The following MUSK variants were observed in gnomAD, a reference collection of about 807,000 sequenced individuals.
The protein encoded by MUSK is muscle, skeletal receptor tyrosine-protein kinase.
Under a neutral mutation model 88.7 loss-of-function variants are expected in MUSK, and 55 were observed. The observed-to-expected ratio is 0.62, with a 90% confidence interval of 0.50 to 0.78. The LOEUF (loss-of-function observed/expected upper bound fraction) is 0.78, where lower values mean the gene tolerates loss of function less well. Among genes scored for constraint, MUSK ranks in the 30% least tolerant of loss-of-function variants. MUSK has a pLI of 0.00. For synonymous variants in MUSK, 387 were observed against 391.9 expected, an observed-to-expected ratio of 0.99 and a Z score of 0.15; for missense variants, 1,015 against 1,074.3, an observed-to-expected ratio of 0.94 and a Z score of 0.77.
At position 110,694,385 on chromosome 9, in the gene MUSK, C is replaced by CAA. The variant is rs796590211; in HGVS notation, c.359-998_359-997dup. On this transcript the variant is annotated intron_variant, in intron 3 of 14. Coordinates refer to ENST00000374448, the MANE Select transcript of MUSK (RefSeq NM_005592.4). ...TGGGCGACAGAGCGAGACTCCGTCT[C>CAA]AAAAAAAAAAAAAAAAAAAAACAAA... is the stretch of plus-strand genomic sequence containing the variant. Among the ~76,000 whole-genome samples, 205 of 51,122 alleles carry CAA rather than the reference C, an allele frequency of 4.0e-3. 4 individuals carry two copies. The highest frequency in any genetic ancestry group is 9.6e-3 in the Middle Eastern group (1 of 104). The allele number at this position is 51,122 out of a possible 152,430, so 33.5% of individuals were successfully genotyped here.
At chr9:110,709,723 C>CA (rs1214268740) in intron 5 of MUSK, among the ~76,000 whole-genome samples, 1 of 152,106 alleles carries the variant, frequency 6.6e-6, no homozygotes. Context: ...AGTCCAATGG[C>CA]AAAAACTAAA....
At position 110,710,326 on chromosome 9, in the gene MUSK, G is replaced by A. The variant is rs145170283; in HGVS notation, c.628+12860G>A. Among the ~76,000 whole-genome samples the A allele has an allele frequency of 7.3e-4, 111 of 152,246 alleles. 2 individuals carry two copies. In the Middle Eastern group the frequency reaches 0.01, roughly 14 times the overall value. On this transcript the variant is annotated intron_variant, in intron 5 of 14. Coordinates refer to ENST00000374448, the MANE Select transcript of MUSK (RefSeq NM_005592.4). ...TATTTCCTCATTTGTGAAATGGGGG[G>A]TAATATTATCTAGAACACAGAGTTC...
intron 3 of MUSK, among the ~76,000 whole-genome samples, chr9:110,694,931 T>A (rs2076413473): frequency 6.6e-6 from 1 of 152,118 alleles, no homozygotes; most frequent in Admixed American, 6.6e-5. Flanking sequence ...ATTTAATTAA[T>A]AATCATAAAA....
At chr9:110,723,714 T>C (rs773645671) in intron 5 of MUSK, among the ~76,000 whole-genome samples, 1 of 152,042 alleles carries the variant, frequency 6.6e-6, no homozygotes, top group Non-Finnish European at 1.5e-5. Flanking sequence ...TAACCTAAAT[T>C]GTGTGTCTGG....
At chr9:110,680,386 T>TC (rs972545836) in intron 1 of MUSK, among the ~76,000 whole-genome samples, 2 of 150,792 alleles carry the variant, frequency 1.3e-5, no homozygotes, top group African/African-American at 2.4e-5. Context: ...TTTTTTTCTT[T>TC]TTTTTTTTTT....
At chr9:110,751,279 C>G (rs1398928639) in intron 7 of MUSK, among the ~76,000 whole-genome samples, 2 of 152,084 alleles carry the variant, frequency 1.3e-5, no homozygotes, top group Non-Finnish European at 2.9e-5. Context: ...AAATCTGTAA[C>G]CTTAAAAAAA....
At chr9:110,689,758 A>C (rs1319746065) in intron 3 of MUSK, among the ~76,000 whole-genome samples, 1 of 42,194 alleles carries the variant, frequency 2.4e-5, no homozygotes, top group Non-Finnish European at 4.4e-5. Flanking sequence ...TATTATATAT[A>C]AACTATATAT....
intron 3 of MUSK, among the ~76,000 whole-genome samples, chr9:110,694,758 T>C (rs1180041212): frequency 6.6e-6 from 1 of 152,206 alleles, no homozygotes; most frequent in Non-Finnish European, 1.5e-5. Context: ...TTTGAAAGTT[T>C]CATATTTGAG....
chr9:110,776,567 T>C (rs1370267520), intron 10 of MUSK, 65 bp from the exon 11 acceptor site: 11 of 1,331,980 alleles, frequency 8.3e-6, no homozygotes. Flanking sequence ...GCACTCACTC[T>C]CTCACAGAAT....
At chr9:110,790,681 T>G (rs1375396058) in intron 14 of MUSK, among the ~76,000 whole-genome samples, 1 of 152,126 alleles carries the variant, frequency 6.6e-6, no homozygotes, top group Non-Finnish European at 1.5e-5. Context: ...GGGTGAGGAA[T>G]GGGAGAAGAG....
chr9:110,751,694 A>C lies in MUSK; in HGVS notation c.913+3894A>C, dbSNP rs144079365. On this transcript the variant is annotated intron_variant, in intron 7 of 14. Transcript: ENST00000374448. ...TGGGGACCCTGGAAGTGAGGCTTGAAGCCACTCTGGACAGGGGTATGTTTA... is the reference window on the plus strand; with the variant it reads ...TGGGGACCCTGGAAGTGAGGCTTGACGCCACTCTGGACAGGGGTATGTTTA... Among the ~76,000 whole-genome samples, 284 of 152,238 alleles carry C rather than the reference A, an allele frequency of 1.9e-3. 1 individual carries two copies. Among genetic ancestry groups the C allele is most frequent in the African/African-American group, 6.6e-3 (273 of 41,520 alleles).
chr9:110,751,489 A>G (rs1182230053), intron 7 of MUSK, among the ~76,000 whole-genome samples: 5 of 152,182 alleles, frequency 3.3e-5, no homozygotes, highest in African/African-American at 4.8e-5. Context: ...GGAGCAATGC[A>G]AAGATTGGCA....
At chr9:110,789,821 T>C (rs912852229) in intron 14 of MUSK, among the ~76,000 whole-genome samples, 4 of 152,096 alleles carry the variant, frequency 2.6e-5, no homozygotes, top group Non-Finnish European at 5.9e-5. Flanking sequence ...TTATTCAACA[T>C]CCACATGATC....
chr9:110,695,364 A>G (rs2076417945), intron 3 of MUSK, 39 bp from the exon 4 acceptor site: 9 of 1,364,964 alleles, frequency 6.6e-6, no homozygotes, highest in Non-Finnish European at 8.9e-6. Flanking sequence ...TAATAAAGCC[A>G]TATTGCCTTA....
In MUSK at chr9:110,710,669, A is replaced by C. The variant is rs111663917; in HGVS notation, c.628+13203A>C. The stretch of plus-strand genomic sequence containing the variant: ...GTGATAAAGGGAAGCTTATCTAAGA[A>C]GCTGTGTAAAGAGGTGCCTTTAATG... On this transcript the variant is annotated intron_variant, in intron 5 of 14. Transcript: ENST00000374448. Among the ~76,000 whole-genome samples, 434 of 152,266 alleles carry C rather than the reference A, an allele frequency of 2.9e-3. 2 individuals carry two copies. Among genetic ancestry groups the C allele is most frequent in the African/African-American group, 0.01 (418 of 41,554 alleles).
In MUSK at chr9:110,785,048, G is replaced by A. The variant is rs982461342; in HGVS notation, c.1586+32G>A. 3 of 1,583,136 alleles carry A rather than the reference G, an allele frequency of 1.9e-6. No individual in the cohort carries two copies. In the Admixed American group the frequency reaches 5.0e-5, roughly 26 times the overall value. ...TTCTAGTTTCAGCTAACCATGTGTA[G>A]TAATATTTTAAAGCCTTGTGTTTTA... On this transcript the variant is annotated intron_variant, in intron 12 of 14. Coordinates refer to ENST00000374448, the MANE Select transcript of MUSK (RefSeq NM_005592.4).
At chr9:110,702,951 A>G (rs180916371) in intron 5 of MUSK, among the ~76,000 whole-genome samples, 34 of 152,188 alleles carry the variant, frequency 2.2e-4, no homozygotes, top group African/African-American at 6.7e-4. Flanking sequence ...TTCCAGGCCA[A>G]AAAACCCACA....
At chr9:110,761,333 T>A (rs1000347425) in intron 7 of MUSK, among the ~76,000 whole-genome samples, 4 of 152,080 alleles carry the variant, frequency 2.6e-5, no homozygotes, top group African/African-American at 9.7e-5. Flanking sequence ...GGTAAGGATT[T>A]CAAGGTAGGG....
chr9:110,768,891 A>G (rs949948417), intron 9 of MUSK, among the ~76,000 whole-genome samples: 7 of 152,190 alleles, frequency 4.6e-5, no homozygotes, highest in Non-Finnish European at 1.0e-4. Flanking sequence ...TTAAACTCCC[A>G]TACTTTTTAA....
Sources: allele counts gnomAD v4.1 joint callset (sites outside exome capture counted in the v4.1 genomes callset), GRCh38; gene constraint gnomAD v4.1.1; transcripts MANE v1.5; gene names NCBI Gene and HGNC (gene_info 2026-07-23, HGNC 2026-07-21).